RFX2: variants seen among roughly 807,000 people sequenced by gnomAD.
The protein encoded by RFX2 is regulatory factor X2.
A neutral mutation model predicts 87.8 loss-of-function variants in RFX2; 20 were observed. That is an observed-to-expected ratio of 0.23 (90% CI 0.16 to 0.33). The LOEUF (loss-of-function observed/expected upper bound fraction) is 0.33. RFX2 is among the 10% of genes least tolerant of loss of function. The probability of loss-of-function intolerance (pLI) is 1.00; values close to 1 mark genes in which losing one functional copy is unlikely to be tolerated. For synonymous variants in RFX2, 397 were observed against 431.3 expected (o/e 0.92, Z 0.98); for missense variants, 767 against 1,012.3 (o/e 0.76, Z 3.29).
Position 6,010,247 on chromosome 19 carries a change from G to A in RFX2, c.904C>T (p.Arg302Trp), listed in dbSNP as rs1450438706. 4 of 1,544,812 alleles carry A rather than the reference G, an allele frequency of 2.6e-6. No individual in the cohort carries two copies. The highest frequency in any genetic ancestry group is 2.4e-5 in the East Asian group (1 of 40,904). ...AGGCTGTCCGTCTTCTGGGCTGGCCGGTACCTAGGCCAGGAACACGCATAC... is the reference window on the plus strand; with the variant it reads ...AGGCTGTCCGTCTTCTGGGCTGGCCAGTACCTAGGCCAGGAACACGCATAC... Reference protein sequence around the residue: ...QQPMHQKPRYRPAQKTDSLGD... With the variant: ...QQPMHQKPRYWPAQKTDSLGD... Residue 302 changes from arginine to tryptophan, a missense_variant, in exon 9 of 18, where the codon CGG (arginine) becomes TGG (tryptophan). Around this residue, in one of 2 missense-constraint regions of RFX2, gnomAD observed 621 missense variants for 873.0 expected, o/e 0.71. Transcript: ENST00000303657. This position sits in a 1 kb window ranked among gnomAD's most constrained non-coding sequence, Gnocchi z 5.0.
rs993304836 is a variant in RFX2 at position 5,999,277 on chromosome 19, T to C, written c.1860-2064A>G. Among the ~76,000 whole-genome samples the C allele has an allele frequency of 2.0e-4, 30 of 151,938 alleles. No individual in the cohort carries two copies. The highest frequency in any genetic ancestry group is 6.5e-4 in the African/African-American group (27 of 41,380). ...CTCAAAAAACAAGCAAACAAGAGAATGAAGTGGAACAGTGTCTCGGTCTCC... is the reference window on the plus strand; with the variant it reads ...CTCAAAAAACAAGCAAACAAGAGAACGAAGTGGAACAGTGTCTCGGTCTCC... On this transcript the variant is annotated intron_variant, in intron 15 of 17. Transcript: ENST00000303657. The surrounding 1 kb of genome is among the most constrained non-coding windows in gnomAD (Gnocchi z 4.1).
intron 1 of RFX2, among the ~76,000 whole-genome samples, chr19:6,048,261 A>G (rs1277484820): frequency 6.6e-6 from 1 of 152,236 alleles, no homozygotes; most frequent in African/African-American, 2.4e-5. Context: ...GTTCAAAGCC[A>G]TCTTTGCCCA....
intron 2 of RFX2, among the ~76,000 whole-genome samples, chr19:6,046,582 T>G (rs75455509): frequency 2.8e-5 from 4 of 141,140 alleles, no homozygotes; most frequent in Admixed American, 1.4e-4. Flanking sequence ...AAAAAAATTC[T>G]AACTCATCTT....
chr19:6,030,525 T>G (rs1182163494), intron 5 of RFX2, among the ~76,000 whole-genome samples: 1 of 152,186 alleles, frequency 6.6e-6, no homozygotes, highest in Non-Finnish European at 1.5e-5. Flanking sequence ...TATAATTCCT[T>G]TTACATAAAA....
Position 6,010,100 on chromosome 19 carries a change from G to A in RFX2, c.1015+36C>T. ...AAACCCAGGAGTGTGGCGAGCAGATGGGAGCCCCGCCCCCGGGCCTGACCG... is the reference window on the plus strand; with the variant it reads ...AAACCCAGGAGTGTGGCGAGCAGATAGGAGCCCCGCCCCCGGGCCTGACCG... On this transcript the variant is annotated intron_variant, in intron 9 of 17. Transcript: ENST00000303657. This position sits in a 1 kb window ranked among gnomAD's most constrained non-coding sequence, Gnocchi z 5.0. 1 of 1,363,106 alleles carries A rather than the reference G, an allele frequency of 7.3e-7. No individual in the cohort carries two copies. The allele number at this position is 1,363,106 out of a possible 1,614,324, so 84.4% of individuals were successfully genotyped here.
At chr19:6,082,293 CA>C (rs34361456) in intron 1 of RFX2, among the ~76,000 whole-genome samples, 42,639 of 99,884 alleles carry the variant, frequency 0.43, 6,437 homozygotes, top group Middle Eastern at 0.61. Context: ...GACCCTGTCT[CA>C]AAAAAAAAAA....
intron 13 of RFX2, among the ~76,000 whole-genome samples, chr19:6,003,606 G>A (rs1244882473): frequency 2.0e-5 from 3 of 151,562 alleles, no homozygotes; most frequent in South Asian, 4.2e-4. Flanking sequence ...GCGAAACCCT[G>A]TCTCTACTAA....
At position 6,039,916 on chromosome 19, in the gene RFX2, C is replaced by T; in HGVS notation, c.522+64G>A. On this transcript the variant is annotated intron_variant, in intron 5 of 17. Coordinates refer to ENST00000303657, the MANE Select transcript of RFX2 (RefSeq NM_000635.4). This position sits in a 1 kb window ranked among gnomAD's most constrained non-coding sequence, Gnocchi z 5.2. ...TCCGGCTGCCTCTTACTCACCATCCCTGCTGCCGCTGCTTCGAGAATACTC... is the reference window on the plus strand; with the variant it reads ...TCCGGCTGCCTCTTACTCACCATCCTTGCTGCCGCTGCTTCGAGAATACTC... 6.8e-7 allele frequency: 1 copy of T among 1,464,478 alleles called. No individual in the cohort carries two copies. 90.7% of individuals were successfully genotyped at this position (1,464,478 alleles called of 1,614,324 possible). A position where few individuals can be genotyped will look rare whatever the true frequency, so the allele number is the denominator to read the frequency against.
Position 6,103,365 on chromosome 19 carries a change from C to T in RFX2, c.-9+7028G>A, listed in dbSNP as rs143499005. 5.0e-3 allele frequency among the ~76,000 whole-genome samples: 761 copies of T among 152,256 alleles called. 1 individual carries two copies. Among genetic ancestry groups the T allele is most frequent in the African/African-American group, 9.2e-3 (383 of 41,548 alleles). On this transcript the variant is annotated intron_variant, in intron 1 of 17. Transcript: ENST00000303657. ...CAACAGGGTTTTCAAACATGCAAGACCTATGTATCATAAAACAGGAATGCA... is the reference window on the plus strand; with the variant it reads ...CAACAGGGTTTTCAAACATGCAAGATCTATGTATCATAAAACAGGAATGCA...
chr19:6,046,738 G>A (rs1258439702), intron 2 of RFX2, among the ~76,000 whole-genome samples: 1 of 149,832 alleles, frequency 6.7e-6, no homozygotes, highest in African/African-American at 2.5e-5. Flanking sequence ...TGGGACCACA[G>A]GACGTGCACC....
At chr19:6,036,620 C>A (rs2087028915) in intron 5 of RFX2, among the ~76,000 whole-genome samples, 1 of 152,166 alleles carries the variant, frequency 6.6e-6, no homozygotes, top group Non-Finnish European at 1.5e-5. Flanking sequence ...TATATTAACA[C>A]CCCAATGAAG....
chr19:6,040,694 G>A lies in RFX2; in HGVS notation c.261-453C>T, dbSNP rs534843898. Among the ~76,000 whole-genome samples, 129 of 152,288 alleles carry A rather than the reference G, an allele frequency of 8.5e-4. 1 individual carries two copies. Among genetic ancestry groups the A allele is most frequent in the Non-Finnish European group, 2.4e-4 (16 of 68,028 alleles). The stretch of plus-strand genomic sequence containing the variant: ...GGACTGCTTGAGCCCAGGACTTTGA[G>A]GTTACAGTGAGCTGTGACTGCACCA... On this transcript the variant is annotated intron_variant, in intron 4 of 17. Transcript: ENST00000303657. This position sits in a 1 kb window ranked among gnomAD's most constrained non-coding sequence, Gnocchi z 6.1.
intron 1 of RFX2, among the ~76,000 whole-genome samples, chr19:6,080,202 A>ATGTGTGTGTGTGTGTGTGTGTG (rs368062995): frequency 1.4e-4 from 19 of 138,508 alleles, no homozygotes; most frequent in African/African-American, 4.8e-4. Context: ...TGCCTGGTTA[A>ATGTGTGTGTGTGTGTGTGTGTG]TGTGTGTGTG....
At chr19:6,048,906 G>C (rs116583711) in intron 1 of RFX2, among the ~76,000 whole-genome samples, 1,953 of 63,414 alleles carry the variant, frequency 0.031, 50 homozygotes, top group African/African-American at 0.11. Flanking sequence ...AAACGCCTTC[G>C]ATGCCACCCA....
rs2086507693 is a variant in RFX2 at position 6,002,665 on chromosome 19, T to C, written c.1650+56A>G. On this transcript the variant is annotated intron_variant, in intron 14 of 17. Transcript: ENST00000303657. The surrounding 1 kb of genome is among the most constrained non-coding windows in gnomAD (Gnocchi z 6.7). Reference sequence around the variant, plus strand: ...CACGGGCTCCACTTGGTGGGTTTGCTGGTTTTGCTGGAGGGCGGGAAGCCC... The same window carrying C: ...CACGGGCTCCACTTGGTGGGTTTGCCGGTTTTGCTGGAGGGCGGGAAGCCC... 4 of 1,599,748 alleles carry C rather than the reference T, an allele frequency of 2.5e-6. No homozygotes were observed. The highest frequency in any genetic ancestry group is 1.7e-5 in the Admixed American group (1 of 59,494).
At chr19:6,100,950 C>G (rs1239742776) in intron 1 of RFX2, among the ~76,000 whole-genome samples, 2 of 151,226 alleles carry the variant, frequency 1.3e-5, no homozygotes, top group East Asian at 3.9e-4. Context: ...TTTTAAAGGT[C>G]TGCAGTAAAA....
intron 1 of RFX2, among the ~76,000 whole-genome samples, chr19:6,108,760 C>T (rs1599943042): frequency 6.6e-6 from 1 of 152,286 alleles, no homozygotes; most frequent in East Asian, 1.9e-4. Context: ...CTTGCCCTCT[C>T]CCCTCCCCAT....
chr19:6,032,277 C>G (rs2086963099), intron 5 of RFX2, among the ~76,000 whole-genome samples: 2 of 151,968 alleles, frequency 1.3e-5, no homozygotes, highest in Non-Finnish European at 2.9e-5. Context: ...GCGTGCCACC[C>G]CGTCCAGCTA....
At chr19:6,054,544 A>G (rs1247980268) in intron 1 of RFX2, among the ~76,000 whole-genome samples, 2 of 152,198 alleles carry the variant, frequency 1.3e-5, no homozygotes, top group Non-Finnish European at 2.9e-5. Flanking sequence ...TAGATTATCA[A>G]TTGATTTTTT....
Sources: allele counts gnomAD v4.1 joint callset (sites outside exome capture counted in the v4.1 genomes callset), GRCh38; gene constraint gnomAD v4.1.1; regional missense constraint gnomAD v4.1.1; non-coding constraint Gnocchi (gnomAD v3.1); transcripts MANE v1.5; gene names NCBI Gene and HGNC (gene_info 2026-07-23, HGNC 2026-07-21).